Variants in ADK observed in about 807,000 individuals in gnomAD.
ADK encodes N6,N6-dimethyladenosine kinase.
A neutral mutation model predicts 44.7 loss-of-function variants in ADK; 24 were observed. That is an observed-to-expected ratio of 0.54 (90% CI 0.39 to 0.76). The LOEUF (loss-of-function observed/expected upper bound fraction) is 0.76, where lower values mean the gene tolerates loss of function less well. ADK is among the 30% of genes least tolerant of loss of function. The pLI, the probability that ADK is intolerant of heterozygous loss-of-function variation, is 0.00. For synonymous variants in ADK, 128 were observed against 142.6 expected, an observed-to-expected ratio of 0.90 and a Z score of 0.73; for missense variants, 321 against 425.1, an observed-to-expected ratio of 0.76 and a Z score of 2.15.
At chr10:74,491,116 G>T (rs1355889505) in intron 6 of ADK, among the ~76,000 whole-genome samples, 1 of 151,986 alleles carries the variant, frequency 6.6e-6, no homozygotes, top group African/African-American at 2.4e-5. Context: ...TTAAATACCG[G>T]ATCAGCTTAA....
chr10:74,223,813 G>A (rs1291266751), intron 2 of ADK, among the ~76,000 whole-genome samples: 2 of 152,162 alleles, frequency 1.3e-5, no homozygotes, highest in African/African-American at 4.8e-5. Flanking sequence ...TTGAGGCCGG[G>A]TACGGTGACT....
chr10:74,338,607 A>G (rs1328430166), intron 4 of ADK, among the ~76,000 whole-genome samples: 2 of 152,258 alleles, frequency 1.3e-5, no homozygotes, highest in African/African-American at 4.8e-5. Flanking sequence ...TTACTGGTAC[A>G]GTCAACAGTT....
chr10:74,160,690 G>GGTGTGTGTGTGT (rs779393232), intron 1 of ADK, among the ~76,000 whole-genome samples: 64 of 136,304 alleles, frequency 4.7e-4, no homozygotes, highest in African/African-American at 1.6e-3. Context: ...TGCAGGTAGG[G>GGTGTGTGTGTGT]GTGTGTGTGT....
intron 4 of ADK, among the ~76,000 whole-genome samples, chr10:74,376,777 CTTTTT>C (rs35675013): frequency 1.5e-5 from 2 of 135,372 alleles, no homozygotes; most frequent in Admixed American, 7.3e-5. Context: ...TCTCTCTCGT[CTTTTT>C]TTTTTTTTTT....
At position 74,595,192 on chromosome 10, in the gene ADK, A is replaced by T. The variant is rs557987178; in HGVS notation, c.763-5187A>T. On this transcript the variant is annotated intron_variant, in intron 8 of 10. Transcript: ENST00000539909. ...ACTCCATCTCAAAAAAAAAAAAAAA[A>T]AAAAAGGCTCTATGACTTTTTCAAA... Among the ~76,000 whole-genome samples the T allele has an allele frequency of 1.1e-4, 17 of 150,058 alleles. 1 individual carries two copies. The South Asian group carries it at 3.6e-3, about 32-fold the overall frequency.
chr10:74,505,043 A>G (rs1453007318), intron 6 of ADK, among the ~76,000 whole-genome samples: 1 of 152,126 alleles, frequency 6.6e-6, no homozygotes, highest in Admixed American at 6.6e-5. Flanking sequence ...CAGGCTGAAG[A>G]GGAGGGTGGG....
At chr10:74,409,310 T>G (rs1295301188) in intron 6 of ADK, among the ~76,000 whole-genome samples, 1 of 152,224 alleles carries the variant, frequency 6.6e-6, no homozygotes, top group Non-Finnish European at 1.5e-5. Flanking sequence ...TATGGGGAAA[T>G]TTTTAAACTT....
At chr10:74,564,315 ATATTACATTCTACTTT>A (rs1850568361) in intron 7 of ADK, among the ~76,000 whole-genome samples, 1 of 152,210 alleles carries the variant, frequency 6.6e-6, no homozygotes. Context: ...GAAAAACACT[ATATTACATTCTACTTT>A]TAATTTTCAA....
chr10:74,422,494 G>A (rs1177269408), intron 6 of ADK, among the ~76,000 whole-genome samples: 1 of 152,098 alleles, frequency 6.6e-6, no homozygotes, highest in South Asian at 2.1e-4. Context: ...ACCAACATTG[G>A]TTTCTTGGTT....
intron 4 of ADK, among the ~76,000 whole-genome samples, chr10:74,323,544 A>G (rs1229504909): frequency 1.3e-5 from 2 of 151,744 alleles, no homozygotes; most frequent in Non-Finnish European, 2.9e-5. Flanking sequence ...CCATCACCAC[A>G]GTCAGTTTCA....
At chr10:74,654,595 C>T (rs1018177699) in intron 9 of ADK, among the ~76,000 whole-genome samples, 8 of 152,148 alleles carry the variant, frequency 5.3e-5, no homozygotes, top group Non-Finnish European at 7.4e-5. Flanking sequence ...CAGATCACTT[C>T]AGTTCAGGAG....
chr10:74,592,264 T>C (rs1414798607), intron 8 of ADK, among the ~76,000 whole-genome samples: 1 of 152,152 alleles, frequency 6.6e-6, no homozygotes, highest in Admixed American at 6.6e-5. Context: ...ATAAGGCCTT[T>C]TATTATTCTA....
At chr10:74,431,872 G>C (rs971537838) in intron 6 of ADK, among the ~76,000 whole-genome samples, 2 of 151,904 alleles carry the variant, frequency 1.3e-5, no homozygotes, top group Non-Finnish European at 2.9e-5. Context: ...AAATTCCATA[G>C]ACAAAAGGCT....
chr10:74,194,923 A>C (rs1286143719), intron 1 of ADK, among the ~76,000 whole-genome samples: 4 of 152,236 alleles, frequency 2.6e-5, no homozygotes, highest in African/African-American at 9.6e-5. Context: ...TCAAACATTA[A>C]TATATCAATA....
At chr10:74,408,558 G>A (rs761701144) in intron 6 of ADK, among the ~76,000 whole-genome samples, 2 of 152,102 alleles carry the variant, frequency 1.3e-5, no homozygotes, top group Non-Finnish European at 2.9e-5. Context: ...TGAACAATGT[G>A]AGGGTTCTGG....
At chr10:74,318,250 C>T (rs981511872) in intron 4 of ADK, among the ~76,000 whole-genome samples, 5 of 152,180 alleles carry the variant, frequency 3.3e-5, no homozygotes, top group Non-Finnish European at 7.3e-5. Context: ...CAGCCTTGAA[C>T]TGCTGCGCTC....
chr10:74,293,644 T>C (rs1591998701), intron 3 of ADK, among the ~76,000 whole-genome samples: 1 of 152,340 alleles, frequency 6.6e-6, no homozygotes, highest in East Asian at 1.9e-4. Flanking sequence ...TAAACTTCTG[T>C]TTACCTTACT....
At chr10:74,594,570 TATG>T (rs1228144195) in intron 8 of ADK, among the ~76,000 whole-genome samples, 2 of 150,610 alleles carry the variant, frequency 1.3e-5, no homozygotes, top group African/African-American at 2.4e-5. Flanking sequence ...GAGTAAATAA[TATG>T]ATAAAAAGGC....
intron 6 of ADK, among the ~76,000 whole-genome samples, chr10:74,498,989 C>T (rs184596716): frequency 9.4e-4 from 143 of 152,318 alleles, no homozygotes; most frequent in Middle Eastern, 6.8e-3. Context: ...CTTGGACTAT[C>T]AGAAAAACTG....
Sources: allele counts gnomAD v4.1 joint callset (sites outside exome capture counted in the v4.1 genomes callset), GRCh38; gene constraint gnomAD v4.1.1; transcripts MANE v1.5; gene names NCBI Gene and HGNC (gene_info 2026-07-23, HGNC 2026-07-21).